NKAIN3: variants seen among roughly 807,000 people sequenced by gnomAD.
NKAIN3 encodes sodium/potassium transporting ATPase interacting 3.
Under a neutral mutation model 30.2 loss-of-function variants are expected in NKAIN3, and 25 were observed. That is an observed-to-expected ratio of 0.83 (90% CI 0.60 to 1.16). The LOEUF (loss-of-function observed/expected upper bound fraction) is 1.16, where lower values mean the gene tolerates loss of function less well. NKAIN3 is among the 50% of genes most tolerant of loss of function. The probability of loss-of-function intolerance (pLI) is 0.00; values close to 1 mark genes in which losing one functional copy is unlikely to be tolerated. For synonymous variants in NKAIN3, 91 were observed against 89.6 expected (o/e 1.02, Z -0.09); for missense variants, 225 against 254.1 (o/e 0.89, Z 0.78).
chr8:62,823,413 C>A (rs1818914300), intron 4 of NKAIN3, among the ~76,000 whole-genome samples: 1 of 152,116 alleles, frequency 6.6e-6, no homozygotes, highest in Non-Finnish European at 1.5e-5. Context: ...ACCTGTAACA[C>A]TGAACAGAAA....
At chr8:62,652,605 T>C (rs963511768) in intron 3 of NKAIN3, among the ~76,000 whole-genome samples, 17 of 152,158 alleles carry the variant, frequency 1.1e-4, no homozygotes, top group Admixed American at 2.0e-4. Context: ...AAGAGGGAGA[T>C]TATTTGGGGT....
At chr8:62,640,682 CG>C (rs1812280380) in intron 3 of NKAIN3, among the ~76,000 whole-genome samples, 1 of 152,034 alleles carries the variant, frequency 6.6e-6, no homozygotes, top group Admixed American at 6.6e-5. Flanking sequence ...TTTTCCTCTG[CG>C]CGCACCCAGC....
At chr8:62,400,208 C>A (rs1291509827) in intron 1 of NKAIN3, among the ~76,000 whole-genome samples, 1 of 148,706 alleles carries the variant, frequency 6.7e-6, no homozygotes, top group African/African-American at 2.5e-5. Context: ...CTCTGTCACC[C>A]AGACTGGAGT....
At chr8:62,623,437 T>C (rs555263742) in intron 3 of NKAIN3, among the ~76,000 whole-genome samples, 1 of 152,258 alleles carries the variant, frequency 6.6e-6, no homozygotes, top group South Asian at 2.1e-4. Flanking sequence ...CCTTATACCA[T>C]TGCTGTCATT....
chr8:62,974,646 G>A lies in NKAIN3; in HGVS notation c.*9239G>A, dbSNP rs568604797. On this transcript the variant is annotated 3_prime_UTR_variant, in exon 7 of 7. Coordinates refer to ENST00000623646, the MANE Select transcript of NKAIN3 (RefSeq NM_001304533.3). The stretch of plus-strand genomic sequence containing the variant: ...ACTTTCTCTCTTCCTATTCGAATAC[G>A]CTTTATTTCATTCTCTTGCCTGTTT... Among the ~76,000 whole-genome samples the A allele has an allele frequency of 6.2e-4, 94 of 152,136 alleles. No individual in the cohort carries two copies. Among genetic ancestry groups the A allele is most frequent in the African/African-American group, 2.0e-3 (81 of 41,526 alleles).
intron 4 of NKAIN3, among the ~76,000 whole-genome samples, chr8:62,896,147 G>A (rs1251261871): frequency 6.6e-6 from 1 of 152,084 alleles, no homozygotes; most frequent in Non-Finnish European, 1.5e-5. Context: ...TGCCAGCATA[G>A]TCAGGCTCGG....
intron 1 of NKAIN3, among the ~76,000 whole-genome samples, chr8:62,274,025 T>A (rs932019911): frequency 1.3e-5 from 2 of 152,194 alleles, no homozygotes; most frequent in African/African-American, 4.8e-5. Flanking sequence ...AGAATGTTTT[T>A]ATTTGGGTAT....
chr8:62,282,310 C>T (rs763796052), intron 1 of NKAIN3, among the ~76,000 whole-genome samples: 1 of 152,128 alleles, frequency 6.6e-6, no homozygotes, highest in Non-Finnish European at 1.5e-5. Context: ...TCAGAAGTAA[C>T]CAAAGATGCC....
At chr8:62,563,591 C>A (rs1809655352) in intron 1 of NKAIN3, among the ~76,000 whole-genome samples, 1 of 152,042 alleles carries the variant, frequency 6.6e-6, no homozygotes, top group Non-Finnish European at 1.5e-5. Flanking sequence ...GGAAATATTT[C>A]AAATACTTAG....
intron 1 of NKAIN3, among the ~76,000 whole-genome samples, chr8:62,405,603 A>T (rs1804038050): frequency 4.6e-5 from 7 of 152,154 alleles, no homozygotes; most frequent in Admixed American, 4.6e-4. Flanking sequence ...AAGCACATAG[A>T]TTCTCCATGC....
At chr8:62,994,344 T>TG (rs1158341178) in intron 5 of NKAIN3, among the ~76,000 whole-genome samples, 1 of 152,174 alleles carries the variant, frequency 6.6e-6, no homozygotes, top group Non-Finnish European at 1.5e-5. Context: ...CAAAGCCACA[T>TG]GCAGAAGTAG....
intron 4 of NKAIN3, among the ~76,000 whole-genome samples, chr8:62,790,097 C>T (rs1020041092): frequency 1.5e-4 from 23 of 152,222 alleles, no homozygotes; most frequent in Admixed American, 1.4e-3. Flanking sequence ...AGCAACGCAG[C>T]AAAAAGCTTA....
intron 4 of NKAIN3, among the ~76,000 whole-genome samples, chr8:62,909,378 C>A (rs1821869082): frequency 6.6e-6 from 1 of 152,096 alleles, no homozygotes. Context: ...AATTATATAA[C>A]TACAGAAATG....
intron 1 of NKAIN3, among the ~76,000 whole-genome samples, chr8:62,577,769 A>G (rs1489396884): frequency 1.3e-5 from 2 of 151,760 alleles, no homozygotes; most frequent in African/African-American, 4.8e-5. Context: ...CCATGTCTGA[A>G]CATTTATGGA....
intron 1 of NKAIN3, among the ~76,000 whole-genome samples, chr8:62,410,645 TCCAA>T (rs2129595837): frequency 6.6e-6 from 1 of 151,710 alleles, no homozygotes; most frequent in African/African-American, 2.4e-5. Flanking sequence ...AAAGATAAGA[TCCAA>T]ATAAGTGCAA....
At chr8:62,322,078 C>T (rs907391748) in intron 1 of NKAIN3, among the ~76,000 whole-genome samples, 1 of 152,152 alleles carries the variant, frequency 6.6e-6, no homozygotes, top group African/African-American at 2.4e-5. Context: ...GGATCTCAGA[C>T]TGCGTGCTAG....
At chr8:62,689,179 T>C (rs1462266509) in intron 3 of NKAIN3, among the ~76,000 whole-genome samples, 1 of 152,198 alleles carries the variant, frequency 6.6e-6, no homozygotes, top group Non-Finnish European at 1.5e-5. Context: ...AGTTTCTAAG[T>C]TTCTCCTCAT....
intron 4 of NKAIN3, among the ~76,000 whole-genome samples, chr8:62,845,145 G>C (rs1415805795): frequency 6.6e-6 from 1 of 151,346 alleles, no homozygotes; most frequent in South Asian, 2.1e-4. Context: ...TTTTTTTAGG[G>C]TTAATATAAA....
intron 4 of NKAIN3, among the ~76,000 whole-genome samples, chr8:62,793,289 GT>G (rs1016403992): frequency 5.3e-5 from 8 of 151,886 alleles, no homozygotes; most frequent in African/African-American, 1.5e-4. Flanking sequence ...TAGCTTGCTG[GT>G]TTTTTTGTAA....
Sources: gnomAD v4.1 joint callset for allele counts (sites outside exome capture counted in the v4.1 genomes callset) on GRCh38, gnomAD v4.1.1 for gene constraint, MANE v1.5 for transcripts, NCBI Gene and HGNC (gene_info 2026-07-23, HGNC 2026-07-21) for gene names.